Variants in GNG7 observed in about 807,000 individuals in gnomAD.
The protein encoded by GNG7 is guanine nucleotide-binding protein G(I)/G(S)/G(O) subunit gamma-7.
In GNG7, 1 loss-of-function variant was observed where a neutral mutation model predicts 4.0. That is an observed-to-expected ratio of 0.25 (90% CI 0.09 to 1.18). GNG7 has a LOEUF of 1.18. Among genes scored for constraint, GNG7 ranks in the 50% most tolerant of loss-of-function variants. GNG7 has a pLI of 0.50. For synonymous variants in GNG7, 34 were observed against 36.9 expected (o/e 0.92, Z 0.29); for missense variants, 86 against 91.9 (o/e 0.94, Z 0.26).
chr19:2,535,499 CAAA>C (rs113272956), intron 3 of GNG7, among the ~76,000 whole-genome samples: 9 of 133,344 alleles, frequency 6.7e-5, no homozygotes, highest in Admixed American at 2.3e-4. Flanking sequence ...GACCTTGTCT[CAAA>C]AAAAAAAAAA....
intron 1 of GNG7, among the ~76,000 whole-genome samples, chr19:2,683,061 T>C (rs1983781743): frequency 6.6e-6 from 1 of 151,654 alleles, no homozygotes; most frequent in Non-Finnish European, 1.5e-5. Context: ...TGAAACCCCA[T>C]CTCTTTAAAT....
rs1972704897 is a variant in GNG7 at position 2,514,696 on chromosome 19, T to C, written c.*326A>G. The C allele has an allele frequency of 5.2e-6, 1 of 192,806 alleles. No homozygotes were observed. The highest frequency in any genetic ancestry group is 1.1e-5 in the Non-Finnish European group (1 of 93,044). The allele number at this position is 192,806 out of a possible 1,614,324, so 11.9% of individuals were successfully genotyped here. On this transcript the variant is annotated 3_prime_UTR_variant, in exon 5 of 5. Coordinates refer to ENST00000382159, the MANE Select transcript of GNG7 (RefSeq NM_052847.3). Reference sequence around the variant, plus strand: ...AACGGCAATCGAGAGTTTTAAAAAATTGTTACCCCATCGCTGGGGGATTTC... The same window carrying C: ...AACGGCAATCGAGAGTTTTAAAAAACTGTTACCCCATCGCTGGGGGATTTC...
chr19:2,554,700 A>G (rs889034055), intron 3 of GNG7, among the ~76,000 whole-genome samples: 2 of 151,568 alleles, frequency 1.3e-5, no homozygotes, highest in East Asian at 3.9e-4. Flanking sequence ...GATTACAGGC[A>G]CCTGCCACCA....
intron 2 of GNG7, among the ~76,000 whole-genome samples, chr19:2,561,948 G>GCC (rs1440480865): frequency 6.6e-6 from 1 of 152,132 alleles, no homozygotes; most frequent in African/African-American, 2.4e-5. Context: ...AGAGCAAAGT[G>GCC]CCCAGCAGAG....
chr19:2,523,005 C>T (rs1446839469), intron 3 of GNG7, among the ~76,000 whole-genome samples: 3 of 151,472 alleles, frequency 2.0e-5, no homozygotes, highest in Non-Finnish European at 4.4e-5. Flanking sequence ...GCTGGGATTA[C>T]AGGTGCATGT....
At chr19:2,687,446 G>A (rs376369227) in intron 1 of GNG7, among the ~76,000 whole-genome samples, 30 of 150,490 alleles carry the variant, frequency 2.0e-4, no homozygotes, top group African/African-American at 6.8e-4. Flanking sequence ...GAGAAACCCT[G>A]CCTCTACTAA....
intron 3 of GNG7, among the ~76,000 whole-genome samples, chr19:2,553,769 T>C (rs1028460265): frequency 6.1e-5 from 9 of 147,850 alleles, no homozygotes; most frequent in African/African-American, 2.2e-4. Flanking sequence ...ACATATTGCA[T>C]GTAATGTTAT....
chr19:2,574,949 C>T (rs1568249594), intron 2 of GNG7, among the ~76,000 whole-genome samples: 1 of 152,170 alleles, frequency 6.6e-6, no homozygotes, highest in African/African-American at 2.4e-5. Context: ...GCTGGCAGGC[C>T]CTGTGAAAGG....
chr19:2,652,437 T>G (rs944167828), intron 1 of GNG7, among the ~76,000 whole-genome samples: 1 of 151,526 alleles, frequency 6.6e-6, no homozygotes, highest in East Asian at 2.0e-4. Context: ...CTGGCTAACA[T>G]GGTGAAAGCC....
intron 1 of GNG7, among the ~76,000 whole-genome samples, chr19:2,650,391 G>C (rs564271868): frequency 1.8e-4 from 27 of 152,134 alleles, no homozygotes; most frequent in Non-Finnish European, 3.5e-4. Flanking sequence ...GTTTCCTCAT[G>C]TTGGCCAGGC....
At chr19:2,639,907 GAGAA>G (rs1982450756) in intron 2 of GNG7, among the ~76,000 whole-genome samples, 1 of 69,836 alleles carries the variant, frequency 1.4e-5, no homozygotes, top group Non-Finnish European at 2.9e-5. Context: ...AGGAGGGAGG[GAGAA>G]AGGAAGGAGG....
Position 2,553,602 on chromosome 19 carries a change from A to T in GNG7, c.-38+1547T>A, listed in dbSNP as rs553107467. Among the ~76,000 whole-genome samples, 190 of 148,942 alleles carry T rather than the reference A, an allele frequency of 1.3e-3. 4 individuals carry two copies. The highest frequency in any genetic ancestry group is 4.5e-3 in the African/African-American group (184 of 40,962). ...TCACATACACGCACATATTACATGC[A>T]ATATATCATACTACATACATGCACA... On this transcript the variant is annotated intron_variant, in intron 3 of 4. Coordinates refer to ENST00000382159, the MANE Select transcript of GNG7 (RefSeq NM_052847.3).
At chr19:2,534,347 C>T (rs377671191) in intron 3 of GNG7, among the ~76,000 whole-genome samples, 22 of 152,282 alleles carry the variant, frequency 1.4e-4, no homozygotes, top group African/African-American at 2.4e-4. Flanking sequence ...AGCTAGAGTG[C>T]GCTTCTGAAA....
At chr19:2,664,717 G>A (rs531604416) in intron 1 of GNG7, among the ~76,000 whole-genome samples, 2 of 152,224 alleles carry the variant, frequency 1.3e-5, no homozygotes, top group South Asian at 4.2e-4. Context: ...TGTCTACTGT[G>A]AGCAGGGAGC....
intron 1 of GNG7, among the ~76,000 whole-genome samples, chr19:2,695,005 C>A (rs776962530): frequency 1.3e-5 from 2 of 151,898 alleles, no homozygotes; most frequent in African/African-American, 2.4e-5. Flanking sequence ...GGGACCTCCA[C>A]GTTTACAAAA....
In GNG7 at chr19:2,666,057, G is replaced by A. The variant is rs192467508; in HGVS notation, c.-134-19777C>T. On this transcript the variant is annotated intron_variant, in intron 1 of 4. Coordinates refer to ENST00000382159, the MANE Select transcript of GNG7 (RefSeq NM_052847.3). Reference sequence around the variant, plus strand: ...ATTTTTGTATTTTTAGTAGAGACAGGGTTTCACCATGTTGGTCAGGCTGGT... The same window carrying A: ...ATTTTTGTATTTTTAGTAGAGACAGAGTTTCACCATGTTGGTCAGGCTGGT... Among the ~76,000 whole-genome samples, 16 of 152,140 alleles carry A rather than the reference G, an allele frequency of 1.1e-4. No homozygotes were observed. The East Asian group carries it at 3.1e-3, about 29-fold the overall frequency.
chr19:2,539,312 T>TC (rs1165536722), intron 3 of GNG7, among the ~76,000 whole-genome samples: 1 of 131,842 alleles, frequency 7.6e-6, no homozygotes, highest in African/African-American at 3.2e-5. Flanking sequence ...TACCAACTTT[T>TC]TTTTTTTTTT....
chr19:2,577,962 C>T (rs1308168638), intron 2 of GNG7, among the ~76,000 whole-genome samples: 1 of 151,684 alleles, frequency 6.6e-6, no homozygotes, highest in South Asian at 2.1e-4. Context: ...CTCAGCCCCT[C>T]GAGTAGCTGG....
chr19:2,625,026 G>A lies in GNG7; in HGVS notation c.-78+21198C>T, dbSNP rs561222065. ...CTGTGGTTTACCTCCCTGGGGGCTC[G>A]GGCCCTGTGCCGAGGGTGCATGTGT... On this transcript the variant is annotated intron_variant, in intron 2 of 4. Transcript: ENST00000382159. 3.3e-5 allele frequency among the ~76,000 whole-genome samples: 5 copies of A among 152,310 alleles called. No individual in the cohort carries two copies. In the East Asian group the frequency reaches 5.8e-4, roughly 18 times the overall value.
Sources: allele counts gnomAD v4.1 joint callset (sites outside exome capture counted in the v4.1 genomes callset), GRCh38; gene constraint gnomAD v4.1.1; transcripts MANE v1.5; gene names NCBI Gene and HGNC (gene_info 2026-07-23, HGNC 2026-07-21).